The following HCN1 variants were observed in gnomAD, a reference collection of about 807,000 sequenced individuals.
HCN1 encodes the protein hyperpolarization activated cyclic nucleotide gated potassium channel 1.
In HCN1, 13 loss-of-function variants were observed where a neutral mutation model predicts 78.9. That is an observed-to-expected ratio of 0.16 (90% CI 0.11 to 0.26). HCN1 has a LOEUF of 0.26. HCN1 is among the 10% of genes least tolerant of loss of function. HCN1 has a pLI of 1.00. For synonymous variants in HCN1, 552 were observed against 455.5 expected, an observed-to-expected ratio of 1.21 and a Z score of -2.70; for missense variants, 810 against 1,154.3, an observed-to-expected ratio of 0.70 and a Z score of 4.32.
Position 45,677,301 on chromosome 5 carries a change from T to C in HCN1, c.425+18368A>G, listed in dbSNP as rs1181290973. Among the ~76,000 whole-genome samples, 4 of 151,812 alleles carry C rather than the reference T, an allele frequency of 2.6e-5. No individual in the cohort carries two copies. In the Admixed American group the frequency reaches 2.6e-4, roughly 10 times the overall value. ...TGACTTCTTCACTGCTCTACTCTGG[T>C]TGAGCAGTGGCTGGCACATACTAGG... On this transcript the variant is annotated intron_variant, in intron 1 of 7. Coordinates refer to ENST00000303230, the MANE Select transcript of HCN1 (RefSeq NM_021072.4).
intron 6 of HCN1, among the ~76,000 whole-genome samples, chr5:45,281,971 T>C (rs1745178916): frequency 6.6e-6 from 1 of 152,156 alleles, no homozygotes; most frequent in Non-Finnish European, 1.5e-5. Context: ...TCTTTCATAT[T>C]GAGCCACACG....
intron 2 of HCN1, among the ~76,000 whole-genome samples, chr5:45,527,760 G>T (rs1433864557): frequency 6.6e-6 from 1 of 151,810 alleles, no homozygotes; most frequent in South Asian, 2.1e-4. Flanking sequence ...AATAGAATGC[G>T]AGGGGACTGA....
chr5:45,441,864 ATTAACT>A (rs1401129536), intron 3 of HCN1, among the ~76,000 whole-genome samples: 1 of 152,186 alleles, frequency 6.6e-6, no homozygotes, highest in Non-Finnish European at 1.5e-5. Context: ...GACAGGAGAC[ATTAACT>A]TTAAGAAAAC....
At chr5:45,507,079 C>T (rs1166586962) in intron 2 of HCN1, among the ~76,000 whole-genome samples, 1 of 152,114 alleles carries the variant, frequency 6.6e-6, no homozygotes, top group African/African-American at 2.4e-5. Flanking sequence ...GAATGTTTCA[C>T]AGCAAGTCAA....
At chr5:45,406,083 A>T (rs934959325) in intron 3 of HCN1, among the ~76,000 whole-genome samples, 1 of 152,108 alleles carries the variant, frequency 6.6e-6, no homozygotes, top group African/African-American at 2.4e-5. Context: ...TCAATGCATT[A>T]TTTTAAATTT....
In HCN1 at chr5:45,286,764, C is replaced by T. The variant is rs560123875; in HGVS notation, c.1618+16835G>A. Reference sequence around the variant, plus strand: ...TGTTGTTGATGTGTTTCTCTTGTAACATATGGTATGAGGTACAAAGACAAT... The same window carrying T: ...TGTTGTTGATGTGTTTCTCTTGTAATATATGGTATGAGGTACAAAGACAAT... On this transcript the variant is annotated intron_variant, in intron 6 of 7. Transcript: ENST00000303230. 7.9e-5 allele frequency among the ~76,000 whole-genome samples: 12 copies of T among 152,102 alleles called. No individual in the cohort carries two copies. In the East Asian group the frequency reaches 2.3e-3, roughly 29 times the overall value.
chr5:45,506,734 A>G (rs937205136), intron 2 of HCN1, among the ~76,000 whole-genome samples: 4 of 152,160 alleles, frequency 2.6e-5, no homozygotes, highest in Admixed American at 2.6e-4. Flanking sequence ...CTAAAAGTAC[A>G]GCTCTGTATG....
At chr5:45,445,343 G>A (rs889122845) in intron 3 of HCN1, among the ~76,000 whole-genome samples, 1 of 152,214 alleles carries the variant, frequency 6.6e-6, no homozygotes, top group African/African-American at 2.4e-5. Flanking sequence ...AGGGGCACCT[G>A]CCATTGCCCA....
intron 2 of HCN1, among the ~76,000 whole-genome samples, chr5:45,528,778 C>T (rs1037010711): frequency 1.3e-5 from 2 of 151,930 alleles, no homozygotes; most frequent in Non-Finnish European, 2.9e-5. Flanking sequence ...AATGTCTTTG[C>T]TTGTGATTTT....
At chr5:45,411,162 G>C (rs775868232) in intron 3 of HCN1, among the ~76,000 whole-genome samples, 1 of 151,972 alleles carries the variant, frequency 6.6e-6, no homozygotes, top group African/African-American at 2.4e-5. Flanking sequence ...TGGGGTGAGG[G>C]CATGAGGAAG....
chr5:45,478,816 A>C (rs188044131), intron 2 of HCN1, among the ~76,000 whole-genome samples: 3 of 152,222 alleles, frequency 2.0e-5, no homozygotes, highest in South Asian at 4.1e-4. Context: ...GGAATAAGTA[A>C]AAGTAATAAA....
chr5:45,353,251 A>G lies in HCN1; in HGVS notation c.1231-5T>C. The G allele has an allele frequency of 6.3e-7, 1 of 1,588,508 alleles. No individual in the cohort carries two copies. Among genetic ancestry groups the G allele is most frequent in the African/African-American group, 1.3e-5 (1 of 74,426 alleles). On this transcript the variant is annotated splice_region_variant and splice_polypyrimidine_tract_variant and intron_variant, in intron 4 of 7. Coordinates refer to ENST00000303230, the MANE Select transcript of HCN1 (RefSeq NM_021072.4). ...GTATTGTTCCACTTGCTTATACTGT[A>G]AGGAAGGGAAAATAAAATTAAAAAA...
chr5:45,540,180 G>A (rs1437812512), intron 2 of HCN1, among the ~76,000 whole-genome samples: 1 of 151,836 alleles, frequency 6.6e-6, no homozygotes, highest in Non-Finnish European at 1.5e-5. Context: ...ACTGCTTACT[G>A]ACTTTTTCAG....
intron 1 of HCN1, among the ~76,000 whole-genome samples, chr5:45,674,663 A>G (rs2112080131): frequency 6.6e-6 from 1 of 151,986 alleles, no homozygotes; most frequent in Admixed American, 6.6e-5. Flanking sequence ...CAATGTTATC[A>G]GTTGACAAGA....
chr5:45,659,589 C>T (rs530122911), intron 1 of HCN1, among the ~76,000 whole-genome samples: 1 of 146,008 alleles, frequency 6.8e-6, no homozygotes, highest in Non-Finnish European at 1.5e-5. Flanking sequence ...CTAGAATAAC[C>T]AATACAGAGA....
intron 1 of HCN1, among the ~76,000 whole-genome samples, chr5:45,650,871 A>C (rs1026487983): frequency 4.0e-5 from 6 of 151,898 alleles, no homozygotes; most frequent in African/African-American, 2.4e-5. Flanking sequence ...CACTCTTCTT[A>C]AGGTTTCCCA....
At chr5:45,548,214 TA>T (rs887725288) in intron 2 of HCN1, among the ~76,000 whole-genome samples, 4 of 151,750 alleles carry the variant, frequency 2.6e-5, no homozygotes, top group Admixed American at 6.6e-5. Context: ...CTTATAAACT[TA>T]AAAAAAACAC....
chr5:45,478,122 C>A (rs2111667635), intron 2 of HCN1, among the ~76,000 whole-genome samples: 1 of 152,100 alleles, frequency 6.6e-6, no homozygotes, highest in East Asian at 1.9e-4. Flanking sequence ...CCACTGCACT[C>A]CAGCCTGGGT....
intron 1 of HCN1, among the ~76,000 whole-genome samples, chr5:45,663,792 A>C (rs1373707797): frequency 4.0e-5 from 6 of 151,022 alleles, no homozygotes; most frequent in South Asian, 2.1e-4. Flanking sequence ...GGCAATCATT[A>C]AAAAGTCAGG....
Sources: gnomAD v4.1 joint callset for allele counts (sites outside exome capture counted in the v4.1 genomes callset) on GRCh38, gnomAD v4.1.1 for gene constraint, MANE v1.5 for transcripts, NCBI Gene and HGNC (gene_info 2026-07-23, HGNC 2026-07-21) for gene names.